Variants in KANSL3 observed in about 807,000 individuals in gnomAD.
KANSL3 encodes the protein KAT8 regulatory NSL complex subunit 3, also known as NSL complex protein NSL3.
In KANSL3, 16 loss-of-function variants were observed where a neutral mutation model predicts 89.2. The observed-to-expected ratio is 0.18, with a 90% CI of 0.12 to 0.27. The LOEUF is 0.27. KANSL3 is among the 10% of genes least tolerant of loss of function. KANSL3 has a pLI of 1.00. For synonymous variants in KANSL3, 385 were observed against 419.7 expected (o/e 0.92, Z 1.01); for missense variants, 879 against 1,110.6 (o/e 0.79, Z 2.96).
chr2:96,611,208 G>C (rs752769777), intron 9 of KANSL3, 70 bp from the exon 10 acceptor site: 6 of 1,348,090 alleles, frequency 4.5e-6, no homozygotes, highest in Non-Finnish European at 6.4e-6. Context: ...CCAGAATCCA[G>C]GAGTGGTCCA....
chr2:96,586,224 CAA>C, the KANSL3 span, among the ~76,000 whole-genome samples: 16 of 61,494 alleles, frequency 2.6e-4, no homozygotes, highest in Admixed American at 5.6e-4. Context: ...GACTCAGTCT[CAA>C]AAAAAAAAAA....
At chr2:96,624,755 C>G (rs2071986695) in intron 3 of KANSL3, among the ~76,000 whole-genome samples, 1 of 152,078 alleles carries the variant, frequency 6.6e-6, no homozygotes, top group South Asian at 2.1e-4. Flanking sequence ...CTCCTGACCT[C>G]AAGTGATCTG....
the KANSL3 span, among the ~76,000 whole-genome samples, chr2:96,585,736 T>TA: frequency 9.5e-5 from 14 of 147,240 alleles, no homozygotes; most frequent in South Asian, 6.4e-4. Flanking sequence ...AAAGAGTGGA[T>TA]AAAAAAAAAA....
At chr2:96,604,155 T>C (rs2067607563) in intron 17 of KANSL3, 95 bp downstream of exon 17, 5 of 1,409,040 alleles carry the variant, frequency 3.5e-6, no homozygotes, top group Non-Finnish European at 4.7e-6. Flanking sequence ...GCCCATCCTA[T>C]GGATTTAGCT....
rs1395520725 is a variant in KANSL3, at chr2:96,616,411, T to C, written c.664-2792A>G. 2.6e-5 allele frequency among the ~76,000 whole-genome samples: 4 copies of C among 152,234 alleles called. No individual in the cohort carries two copies. In the East Asian group the frequency reaches 7.7e-4, roughly 29 times the overall value. ...TGGAGCTGGGAAGACCAAGCTTCCCTGGCCCTTCCAGCATTGCATTCACTC... is the reference window on the plus strand; with the variant it reads ...TGGAGCTGGGAAGACCAAGCTTCCCCGGCCCTTCCAGCATTGCATTCACTC... On this transcript the variant is annotated intron_variant, in intron 5 of 20. Coordinates refer to ENST00000431828, the MANE Select transcript of KANSL3 (RefSeq NM_001115016.3).
the KANSL3 span, among the ~76,000 whole-genome samples, chr2:96,582,408 A>G: frequency 6.6e-6 from 1 of 152,130 alleles, no homozygotes; most frequent in Non-Finnish European, 1.5e-5. Flanking sequence ...AAAAAAAAAA[A>G]AGAAGAAAAT....
At chr2:96,623,428 G>A (rs1442679368) in intron 3 of KANSL3, among the ~76,000 whole-genome samples, 2 of 152,132 alleles carry the variant, frequency 1.3e-5, no homozygotes, top group African/African-American at 2.4e-5. Flanking sequence ...AATTTCTACA[G>A]GTCATTGTTC....
At chr2:96,608,425 T>C (rs2068333716) in intron 14 of KANSL3, 83 bp downstream of exon 14, 3 of 1,380,550 alleles carry the variant, frequency 2.2e-6, no homozygotes, top group South Asian at 1.3e-5. Flanking sequence ...AAAAAAGCCA[T>C]AGATATCAAT....
rs1222129330 is a variant in KANSL3 at position 96,594,712 on chromosome 2, C to T, written c.*899G>A. The T allele has an allele frequency of 1.3e-5, 2 of 152,282 alleles. No individual in the cohort carries two copies. The highest frequency in any genetic ancestry group is 6.5e-5 in the Admixed American group (1 of 15,282). 9.4% of individuals were successfully genotyped at this position (152,282 alleles called of 1,614,324 possible). A position where few individuals can be genotyped will look rare whatever the true frequency, so the allele number is the denominator to read the frequency against. On this transcript the variant is annotated 3_prime_UTR_variant, in exon 21 of 21. Transcript: ENST00000431828. ...CTTGGCAAATTCTTCTTTTTATCTCCAGCTGAACCACCAGTTCCTTGGGTA... is the reference window on the plus strand; with the variant it reads ...CTTGGCAAATTCTTCTTTTTATCTCTAGCTGAACCACCAGTTCCTTGGGTA...
chr2:96,607,535 G>C (rs1444183058), intron 14 of KANSL3, among the ~76,000 whole-genome samples: 1 of 152,154 alleles, frequency 6.6e-6, no homozygotes, highest in Non-Finnish European at 1.5e-5. Flanking sequence ...CTGTCCACAC[G>C]GGACTTGGCT....
chr2:96,608,092 G>A (rs2068279305), intron 14 of KANSL3, among the ~76,000 whole-genome samples: 1 of 152,208 alleles, frequency 6.6e-6, no homozygotes, highest in Non-Finnish European at 1.5e-5. Flanking sequence ...GAAAGTCTCA[G>A]TGTGAGAATC....
the KANSL3 span, among the ~76,000 whole-genome samples, chr2:96,583,914 G>A: frequency 6.6e-6 from 1 of 152,206 alleles, no homozygotes; most frequent in Non-Finnish European, 1.5e-5. Flanking sequence ...ATTCTAGTGA[G>A]TGTAAAGTGG....
intron 10 of KANSL3, 72 bp from the exon 11 acceptor site, chr2:96,610,955 G>A: frequency 1.9e-6 from 3 of 1,591,308 alleles, no homozygotes; most frequent in Admixed American, 3.3e-5. Flanking sequence ...CTCCACTAAG[G>A]AGGATCAGCC....
At chr2:96,637,425 C>T (rs974498533) in intron 1 of KANSL3, among the ~76,000 whole-genome samples, 2 of 152,136 alleles carry the variant, frequency 1.3e-5, no homozygotes, top group African/African-American at 4.8e-5. Context: ...AATTACCTAA[C>T]GGGAGAGCTC....
At chr2:96,617,696 T>C (rs886871470) in intron 5 of KANSL3, among the ~76,000 whole-genome samples, 1 of 151,564 alleles carries the variant, frequency 6.6e-6, no homozygotes, top group African/African-American at 2.4e-5. Flanking sequence ...TACAAAAAAA[T>C]TAAAAATTTA....
At chr2:96,614,277 A>G (rs1351450979) in intron 5 of KANSL3, among the ~76,000 whole-genome samples, 1 of 152,056 alleles carries the variant, frequency 6.6e-6, no homozygotes, top group African/African-American at 2.4e-5. Flanking sequence ...TATTTCTAGT[A>G]GAGATGGAGT....
intron 20 of KANSL3, 41 bp downstream of exon 20, chr2:96,601,602 A>G (rs745553445): frequency 1.9e-6 from 3 of 1,600,708 alleles, no homozygotes; most frequent in Non-Finnish European, 2.6e-6. Context: ...AAACTTCCCA[A>G]TAATGAAGCC....
chr2:96,609,086 C>G (rs1429578270), intron 12 of KANSL3, 22 bp from the exon 13 acceptor site: 7 of 1,549,390 alleles, frequency 4.5e-6, no homozygotes, highest in African/African-American at 4.1e-5. Flanking sequence ...AGGAGCCAAC[C>G]AAGGCCTTTT....
chr2:96,608,035 C>A (rs577573933), intron 14 of KANSL3, among the ~76,000 whole-genome samples: 1 of 152,308 alleles, frequency 6.6e-6, no homozygotes, highest in Admixed American at 6.5e-5. Context: ...GAATACTTCC[C>A]AGCTTCATCT....
Sources: gnomAD v4.1 joint callset for allele counts (sites outside exome capture counted in the v4.1 genomes callset) on GRCh38, gnomAD v4.1.1 for gene constraint, MANE v1.5 for transcripts, NCBI Gene and HGNC (gene_info 2026-07-23, HGNC 2026-07-21) for gene names.